EDAR: variants seen among roughly 807,000 people sequenced by gnomAD.
EDAR encodes the protein tumor necrosis factor receptor superfamily member EDAR.
EDAR carries 38 observed loss-of-function variants against 51.3 expected under a neutral mutation model. That is an observed-to-expected ratio of 0.74 (90% CI 0.57 to 0.97). The LOEUF is 0.97. Among genes scored for constraint, EDAR ranks in the 50% least tolerant of loss-of-function variants. The probability of loss-of-function intolerance (pLI) is 0.00; values close to 1 mark genes in which losing one functional copy is unlikely to be tolerated. For missense variants in EDAR, 528 were observed against 595.0 expected (o/e 0.89, Z 1.17); for synonymous variants, 227 against 242.1 (o/e 0.94, Z 0.58).
chr2:108,899,851 T>C (rs1016334969), intron 11 of EDAR, among the ~76,000 whole-genome samples: 1 of 152,054 alleles, frequency 6.6e-6, no homozygotes, highest in Non-Finnish European at 1.5e-5. Flanking sequence ...ATTGGCGTGG[T>C]AGTGCACACC....
At chr2:108,912,913 T>C in intron 5 of EDAR, 149 bp from the exon 6 acceptor site, 1 of 719,032 alleles carries the variant, frequency 1.4e-6, no homozygotes, top group Non-Finnish European at 2.5e-6. Flanking sequence ...TTTCTTAGAC[T>C]GTTTAATGAA....
chr2:108,943,095 C>G (rs748958871), intron 1 of EDAR, among the ~76,000 whole-genome samples: 2 of 152,150 alleles, frequency 1.3e-5, no homozygotes, highest in Non-Finnish European at 2.9e-5. Flanking sequence ...CATTCGAGTC[C>G]CAGCATGAAG....
intron 1 of EDAR, among the ~76,000 whole-genome samples, chr2:108,973,735 T>C (rs993311553): frequency 6.6e-6 from 1 of 152,188 alleles, no homozygotes; most frequent in African/African-American, 2.4e-5. Context: ...CCTGGAAATT[T>C]TTTGGCTGGA....
chr2:108,923,497 C>G (rs1411455645), intron 4 of EDAR, 44 bp from the exon 5 acceptor site: 5 of 1,583,438 alleles, frequency 3.2e-6, no homozygotes, highest in Non-Finnish European at 4.3e-6. Context: ...GTGAGCTGGA[C>G]AGCACACAGG....
intron 11 of EDAR, among the ~76,000 whole-genome samples, chr2:108,902,793 T>C (rs1038752550): frequency 2.0e-5 from 3 of 152,186 alleles, no homozygotes; most frequent in Non-Finnish European, 2.9e-5. Flanking sequence ...AGAGCTAATA[T>C]TATACTTAAT....
chr2:108,919,046 A>C (rs1159240838), intron 5 of EDAR, among the ~76,000 whole-genome samples: 1 of 152,128 alleles, frequency 6.6e-6, no homozygotes, highest in Non-Finnish European at 1.5e-5. Context: ...GCTGTGTCAG[A>C]ATCCATTGCT....
chr2:108,976,913 A>T (rs1698332821), intron 1 of EDAR, among the ~76,000 whole-genome samples: 2 of 151,972 alleles, frequency 1.3e-5, no homozygotes, highest in South Asian at 2.1e-4. Context: ...CCACTTCTCC[A>T]AGGAGTCCTG....
chr2:108,946,796 T>C (rs762785133), intron 1 of EDAR, among the ~76,000 whole-genome samples: 5 of 152,140 alleles, frequency 3.3e-5, no homozygotes, highest in Admixed American at 6.5e-5. Context: ...CCTCCCACCA[T>C]GTTTCTCCCT....
intron 5 of EDAR, among the ~76,000 whole-genome samples, chr2:108,922,016 G>A (rs1287213605): frequency 6.6e-6 from 1 of 152,238 alleles, no homozygotes; most frequent in Non-Finnish European, 1.5e-5. Flanking sequence ...GGACTCAGGG[G>A]ACTTTGCTTG....
chr2:108,957,761 G>A (rs1047015200), intron 1 of EDAR, among the ~76,000 whole-genome samples: 4 of 152,212 alleles, frequency 2.6e-5, no homozygotes, highest in African/African-American at 9.6e-5. Context: ...TAATGCATCC[G>A]AGTTATTCCA....
chr2:108,977,601 T>G (rs1262129989), intron 1 of EDAR, among the ~76,000 whole-genome samples: 2 of 152,140 alleles, frequency 1.3e-5, no homozygotes, highest in African/African-American at 4.8e-5. Context: ...GTTCCTGAAG[T>G]GGAAGACTGT....
chr2:108,944,488 T>TGCG (rs1553450929), intron 1 of EDAR, among the ~76,000 whole-genome samples: 25 of 152,356 alleles, frequency 1.6e-4, no homozygotes, highest in Non-Finnish European at 1.0e-4. Flanking sequence ...ATGGAGCCAA[T>TGCG]GCTGTTGCCT....
chr2:108,943,764 C>A (rs1480019633), intron 1 of EDAR, among the ~76,000 whole-genome samples: 1 of 152,086 alleles, frequency 6.6e-6, no homozygotes, highest in East Asian at 1.9e-4. Context: ...GGCTGAGCAC[C>A]CCTCCTTTCT....
intron 1 of EDAR, among the ~76,000 whole-genome samples, chr2:108,941,107 G>T (rs1697585030): frequency 6.6e-6 from 1 of 152,218 alleles, no homozygotes; most frequent in African/African-American, 2.4e-5. Flanking sequence ...GAATCGGGCA[G>T]CTGGTTTCTT....
At position 108,915,215 on chromosome 2, in the gene EDAR, T is replaced by C. The variant is rs1574375608; in HGVS notation, c.443-2451A>G. On this transcript the variant is annotated intron_variant, in intron 5 of 11. Transcript: ENST00000258443. ...CTGTAATCCATGCCTGGGCTGGCTG[T>C]TTTCTTTAGTAGGAAGTTCTCAGGA... Among the ~76,000 whole-genome samples, 3 of 152,298 alleles carry C rather than the reference T, an allele frequency of 2.0e-5. No homozygotes were observed. The South Asian group carries it at 6.2e-4, about 32-fold the overall frequency.
In EDAR at chr2:108,960,699, T is replaced by C. The variant is rs543677947; in HGVS notation, c.-19+28261A>G. On this transcript the variant is annotated intron_variant, in intron 1 of 11. Transcript: ENST00000258443. ...AAAGAAGAAAACTAAAAATCACTGC[T>C]GGTCCTACCATATGGAAACATTATT... Among the ~76,000 whole-genome samples, 6 of 152,376 alleles carry C rather than the reference T, an allele frequency of 3.9e-5. No individual in the cohort carries two copies. In the East Asian group the frequency reaches 1.2e-3, roughly 29 times the overall value.
chr2:108,974,145 T>C (rs574976326), intron 1 of EDAR, among the ~76,000 whole-genome samples: 3 of 151,130 alleles, frequency 2.0e-5, no homozygotes, highest in South Asian at 2.1e-4. Flanking sequence ...CTGGCTAACA[T>C]GGTGAAACCC....
chr2:108,978,467 A>G (rs1177901958), intron 1 of EDAR, among the ~76,000 whole-genome samples: 1 of 152,236 alleles, frequency 6.6e-6, no homozygotes, highest in African/African-American at 2.4e-5. Flanking sequence ...AGACGCCTCA[A>G]GAGTTTTGCA....
chr2:108,899,431 A>AG (rs1263287801), intron 11 of EDAR, among the ~76,000 whole-genome samples: 4 of 152,226 alleles, frequency 2.6e-5, no homozygotes, highest in African/African-American at 9.6e-5. Flanking sequence ...AAGAAGCAAA[A>AG]GGAAATTCTA....
Sources: gnomAD v4.1 joint callset for allele counts (sites outside exome capture counted in the v4.1 genomes callset) on GRCh38, gnomAD v4.1.1 for gene constraint, MANE v1.5 for transcripts, NCBI Gene and HGNC (gene_info 2026-07-23, HGNC 2026-07-21) for gene names.